The following TOGARAM2 variants were observed in gnomAD, a reference collection of about 807,000 sequenced individuals.
TOGARAM2 encodes TOG array regulator of axonemal microtubules 2.
In TOGARAM2, 85 loss-of-function variants were observed where a neutral mutation model predicts 93.3. The ratio of observed to expected loss-of-function variants is 0.91; its 90% confidence interval spans 0.76 to 1.09. The LOEUF (loss-of-function observed/expected upper bound fraction) is 1.09, where lower values mean the gene tolerates loss of function less well. Among genes scored for constraint, TOGARAM2 ranks in the 50% least tolerant of loss-of-function variants. The probability of loss-of-function intolerance (pLI) is 0.00; values close to 1 mark genes in which losing one functional copy is unlikely to be tolerated. For missense variants in TOGARAM2, 1,277 were observed against 1,334.5 expected (o/e 0.96, Z 0.67); for synonymous variants, 593 against 552.8 (o/e 1.07, Z -1.02).
intron 6 of TOGARAM2, among the ~76,000 whole-genome samples, chr2:29,005,862 GTGTCAGTGCATGT>G (rs1663735763): frequency 6.7e-6 from 1 of 149,250 alleles, no homozygotes; most frequent in African/African-American, 2.5e-5. Context: ...GTGTGCATAT[GTGTCAGTGCATGT>G]TGTGAGTGCA....
Position 29,014,468 on chromosome 2 carries a change from G to A in TOGARAM2, c.951G>A (p.Gln317=). The A allele has an allele frequency of 6.2e-7, 1 of 1,602,982 alleles. No individual in the cohort carries two copies. Among genetic ancestry groups the A allele is most frequent in the Non-Finnish European group, 8.5e-7 (1 of 1,175,030 alleles). Residue 317 remains glutamine, a synonymous_variant, in exon 8 of 20, where the codon CAG becomes CAA. Transcript: ENST00000379558. ...AGAAGCCTGCCCTGCCTTTTTCTCA[G>A]TCTGCTCCCACGCTGACAGCCTTCT... ...AAKKPALPFS[Q]SAPTLTAFSF... is the part of the protein sequence containing the mutation.
At chr2:29,048,565 G>C (rs950712788) in intron 19 of TOGARAM2, 4 of 152,016 alleles carry the variant, frequency 2.6e-5, no homozygotes, top group African/African-American at 9.7e-5. Context: ...GGCTATTCTA[G>C]GTATGTCATA....
chr2:29,003,554 C>T lies in TOGARAM2; in HGVS notation c.702C>T (p.Ala234=), dbSNP rs1384034660. ...NDEKMQKSLG[A]IVIPPIPKAR... is the part of the protein sequence containing the mutation. ...AGAAGATGCAGAAGTCCCTGGGCGC[C>T]ATCGTGATCCCACCCATCCCAAAGG... is the stretch of plus-strand genomic sequence containing the variant. Residue 234 remains alanine (A), a synonymous_variant, in exon 6 of 20, where the codon GCC becomes GCT. Transcript: ENST00000379558. 6.3e-7 allele frequency: 1 copy of T among 1,594,596 alleles called. No individual in the cohort carries two copies. The highest frequency in any genetic ancestry group is 8.5e-7 in the Non-Finnish European group (1 of 1,171,500).
chr2:29,017,736 T>C, intron 9 of TOGARAM2, 56 bp from the exon 10 acceptor site: 1 of 1,484,434 alleles, frequency 6.7e-7, no homozygotes. Context: ...AAGGAGGACA[T>C]TGAGGCCAGG....
intron 1 of TOGARAM2, among the ~76,000 whole-genome samples, chr2:28,986,625 T>C (rs1227174018): frequency 1.3e-5 from 2 of 152,218 alleles, no homozygotes; most frequent in African/African-American, 4.8e-5. Flanking sequence ...CTGCTCACCC[T>C]GGACAGCTCA....
intron 2 of TOGARAM2, among the ~76,000 whole-genome samples, chr2:28,995,121 C>G (rs1176075839): frequency 6.6e-6 from 1 of 152,208 alleles, no homozygotes; most frequent in Non-Finnish European, 1.5e-5. Flanking sequence ...CTCTCTGCAG[C>G]AGGGTGGTTG....
chr2:28,987,814 TAA>T (rs1265301469), intron 1 of TOGARAM2, among the ~76,000 whole-genome samples: 1 of 152,204 alleles, frequency 6.6e-6, no homozygotes. Context: ...CCAGAGCTGG[TAA>T]AGAGTTGTGG....
chr2:29,034,834 G>A (rs1372634942), intron 16 of TOGARAM2, among the ~76,000 whole-genome samples: 1 of 152,114 alleles, frequency 6.6e-6, no homozygotes, highest in Non-Finnish European at 1.5e-5. Flanking sequence ...GACCTCCAAG[G>A]TCTTTCCCCA....
At position 29,011,514 on chromosome 2, in the gene TOGARAM2, C is replaced by A. The variant is rs1241609826; in HGVS notation, c.877+13C>A. 1.3e-6 allele frequency: 2 copies of A among 1,599,488 alleles called. No homozygotes were observed. Among genetic ancestry groups the A allele is most frequent in the Non-Finnish European group, 1.7e-6 (2 of 1,174,656 alleles). The stretch of plus-strand genomic sequence containing the variant: ...CCTGCATCTCTGGGTACGTATCTTC[C>A]ATGCACACCTCCCTTTGTTATTTGA... On this transcript the variant is annotated intron_variant, in intron 7 of 19. Transcript: ENST00000379558.
At chr2:28,984,106 T>A (rs1672356106) in intron 1 of TOGARAM2, among the ~76,000 whole-genome samples, 1 of 151,988 alleles carries the variant, frequency 6.6e-6, no homozygotes, top group African/African-American at 2.4e-5. Context: ...CTTCTTAGTG[T>A]TTGAATTACA....
At chr2:29,006,107 T>TAA (rs1663786612) in intron 6 of TOGARAM2, among the ~76,000 whole-genome samples, 1 of 142,924 alleles carries the variant, frequency 7.0e-6, no homozygotes, top group Non-Finnish European at 1.5e-5. Flanking sequence ...TGCATGTGTG[T>TAA]GGAGTGCATA....
intron 17 of TOGARAM2, among the ~76,000 whole-genome samples, chr2:29,035,945 A>G (rs1666081891): frequency 1.3e-5 from 2 of 152,042 alleles, no homozygotes; most frequent in South Asian, 4.1e-4. Flanking sequence ...GCTTCTGGGG[A>G]GCTAGGTGCA....
At position 29,045,381 on chromosome 2, in the gene TOGARAM2, C is replaced by G. The variant is rs772860938; in HGVS notation, c.2693C>G (p.Ala898Gly). ...AGRVRFLSGR[A>G]VLDVTDRLAV... is the part of the protein sequence containing the mutation. ...CGAGTGCGTTTCCTGAGTGGCCGTG[C>G]GGTGCTGGATGTCACAGATCGCCTG... Residue 898 changes from alanine to glycine, a missense_variant, in exon 19 of 20, where the codon GCG (alanine) becomes GGG (glycine). By Grantham distance (60) the Ala-to-Gly change is moderately conservative. Transcript: ENST00000379558. The G allele has an allele frequency of 6.2e-7, 1 of 1,613,492 alleles. No individual in the cohort carries two copies. The highest frequency in any genetic ancestry group is 1.7e-5 in the Admixed American group (1 of 60,004).
At position 28,968,816 on chromosome 2, in the gene TOGARAM2, A is replaced by C. The variant is rs1365023359; in HGVS notation, c.-147+12119A>C. On this transcript the variant is annotated intron_variant, in intron 1 of 6. Transcript: ENST00000401723. ...CAGGGTGACAGAGTGAGACTCTGTC[A>C]AAAAAAAAAAAAAAAAAAAAAAAAC... Among the ~76,000 whole-genome samples the C allele has an allele frequency of 1.8e-4, 8 of 43,664 alleles. No individual in the cohort carries two copies. In the East Asian group the frequency reaches 5.6e-3, roughly 31 times the overall value. The allele number at this position is 43,664 out of a possible 152,430, so 28.6% of individuals were successfully genotyped here.
At chr2:28,988,514 C>T (rs1431288681) in intron 1 of TOGARAM2, among the ~76,000 whole-genome samples, 1 of 152,152 alleles carries the variant, frequency 6.6e-6, no homozygotes, top group Non-Finnish European at 1.5e-5. Context: ...CATCAGCTCC[C>T]CTCCCTCCCC....
At position 28,999,105 on chromosome 2, in the gene TOGARAM2, T is replaced by C; in HGVS notation, c.140-76T>C. 3 of 1,455,718 alleles carry C rather than the reference T, an allele frequency of 2.1e-6. No homozygotes were observed. In the African/African-American group the frequency reaches 4.3e-5, roughly 21 times the overall value. The allele number at this position is 1,455,718 out of a possible 1,614,324, so 90.2% of individuals were successfully genotyped here. A position where few individuals can be genotyped will look rare whatever the true frequency, so the allele number is the denominator to read the frequency against. ...GTGGCTGCCTGTTAGAAGGAAGCAATGTCAAGGAGCTTGCTGGTGCCTGGT... is the reference window on the plus strand; with the variant it reads ...GTGGCTGCCTGTTAGAAGGAAGCAACGTCAAGGAGCTTGCTGGTGCCTGGT... On this transcript the variant is annotated intron_variant, in intron 3 of 19. Coordinates refer to ENST00000379558, the MANE Select transcript of TOGARAM2 (RefSeq NM_199280.4).
rs1372934331 is a variant in TOGARAM2, at chr2:29,011,502, G to A, written c.877+1G>A. 6.2e-7 allele frequency: 1 copy of A among 1,604,550 alleles called. No individual in the cohort carries two copies. The highest frequency in any genetic ancestry group is 8.5e-7 in the Non-Finnish European group (1 of 1,176,640). ...CGGGAGAAGACCCCTGCATCTCTGG[G>A]TACGTATCTTCCATGCACACCTCCC... On this transcript the variant is annotated splice_donor_variant, in intron 7 of 19. Coordinates refer to ENST00000379558, the MANE Select transcript of TOGARAM2 (RefSeq NM_199280.4). LOFTEE classifies it high-confidence loss of function.
intron 1 of TOGARAM2, among the ~76,000 whole-genome samples, chr2:28,974,127 C>CTTTTTT (rs34500191): frequency 1.6e-5 from 2 of 127,222 alleles, no homozygotes; most frequent in Non-Finnish European, 1.6e-5. Context: ...ATAATATATC[C>CTTTTTT]TTTTTTTTTT....
At chr2:28,974,786 G>A (rs969323787) in intron 1 of TOGARAM2, among the ~76,000 whole-genome samples, 1 of 145,062 alleles carries the variant, frequency 6.9e-6, no homozygotes, top group African/African-American at 2.5e-5. Context: ...GCTAATTTTT[G>A]TATTATTATT....
Sources: gnomAD v4.1 joint callset for allele counts (sites outside exome capture counted in the v4.1 genomes callset) on GRCh38, gnomAD v4.1.1 for gene constraint, MANE v1.5 for transcripts, NCBI Gene and HGNC (gene_info 2026-07-23, HGNC 2026-07-21) for gene names.